CA6: variants seen among roughly 807,000 people sequenced by gnomAD.
CA6 encodes the protein carbonate dehydratase VI.
In CA6, 28 loss-of-function variants were observed where a neutral mutation model predicts 35.9. The ratio of observed to expected loss-of-function variants is 0.78; its 90% CI spans 0.58 to 1.07. The LOEUF (loss-of-function observed/expected upper bound fraction) is 1.07, where lower values mean the gene tolerates loss of function less well. Ranked by LOEUF, CA6 falls within the 50% of genes least tolerant of loss-of-function variation. The pLI is 0.00. For missense variants in CA6, 377 were observed against 382.0 expected, an observed-to-expected ratio of 0.99 and a Z score of 0.11; for synonymous variants, 148 against 152.6, an observed-to-expected ratio of 0.97 and a Z score of 0.22.
chr1:8,965,142 G>T (rs1639937049), intron 5 of CA6, among the ~76,000 whole-genome samples: 1 of 152,132 alleles, frequency 6.6e-6, no homozygotes, highest in Admixed American at 6.6e-5. Context: ...TACTCGGAAG[G>T]CTGAGGCAGG....
chr1:8,948,390 C>T lies in CA6; in HGVS notation c.80-873C>T, dbSNP rs186397643. Reference sequence around the variant, plus strand: ...GTACTCATTCTAGGTTGTCCTGGAACCTGATGCTTCCTTAGTTTCCCTGAA... The same window carrying T: ...GTACTCATTCTAGGTTGTCCTGGAATCTGATGCTTCCTTAGTTTCCCTGAA... On this transcript the variant is annotated intron_variant, in intron 1 of 7. Coordinates refer to ENST00000377443, the MANE Select transcript of CA6 (RefSeq NM_001215.4). 2.7e-4 allele frequency among the ~76,000 whole-genome samples: 41 copies of T among 152,202 alleles called. 1 individual carries two copies. The highest frequency in any genetic ancestry group is 9.4e-4 in the African/African-American group (39 of 41,480).
intron 4 of CA6, among the ~76,000 whole-genome samples, chr1:8,960,789 C>CACATATATATATAT (rs59987426): frequency 7.4e-4 from 86 of 116,972 alleles, no homozygotes; most frequent in Non-Finnish European, 1.3e-3. Flanking sequence ...CACACACACA[C>CACATATATATATAT]ATATATATAA....
chr1:8,956,741 T>G (rs1639693774), intron 2 of CA6, among the ~76,000 whole-genome samples: 1 of 152,228 alleles, frequency 6.6e-6, no homozygotes, highest in African/African-American at 2.4e-5. Context: ...AATTCCAAAC[T>G]TGGCCAGAGA....
At chr1:8,946,951 T>A (rs535516815) in intron 1 of CA6, among the ~76,000 whole-genome samples, 1 of 151,780 alleles carries the variant, frequency 6.6e-6, no homozygotes, top group East Asian at 1.9e-4. Context: ...TTACAGGCAC[T>A]CATCACCATG....
intron 5 of CA6, 54 bp from the exon 6 acceptor site, chr1:8,967,605 C>G: frequency 1.9e-6 from 3 of 1,542,164 alleles, no homozygotes; most frequent in Non-Finnish European, 2.7e-6. Context: ...AGCTGTCCTC[C>G]CGAGGGGCAG....
intron 6 of CA6, 75 bp downstream of exon 6, chr1:8,967,891 A>C: frequency 3.3e-4 from 456 of 1,366,424 alleles, no homozygotes; most frequent in Non-Finnish European, 4.2e-4. Flanking sequence ...CCAGCATCTC[A>C]ACGAACGTCA....
chr1:8,950,945 G>A (rs1435112205), intron 2 of CA6, among the ~76,000 whole-genome samples: 1 of 152,188 alleles, frequency 6.6e-6, no homozygotes, highest in Non-Finnish European at 1.5e-5. Flanking sequence ...GCCTGGTGAG[G>A]TGGTTCATGC....
At position 8,974,770 on chromosome 1, in the gene CA6, C is replaced by T. The variant is rs574282417; in HGVS notation, c.*66C>T. On this transcript the variant is annotated 3_prime_UTR_variant, in exon 8 of 8. Coordinates refer to ENST00000377443, the MANE Select transcript of CA6 (RefSeq NM_001215.4). ...CCTGACCTAGCCAGAAGTGCCTGTC[C>T]GCTGCAGCCGCACCCTACCTTGTCT... The T allele has an allele frequency of 1.9e-4, 163 of 861,082 alleles. No individual in the cohort carries two copies. The African/African-American group carries it at 2.5e-3, about 13-fold the overall frequency. 53.3% of individuals were successfully genotyped at this position (861,082 alleles called of 1,614,324 possible).
At chr1:8,971,863 G>A (rs761096658) in intron 7 of CA6, among the ~76,000 whole-genome samples, 28 of 152,134 alleles carry the variant, frequency 1.8e-4, no homozygotes, top group Non-Finnish European at 3.5e-4. Flanking sequence ...GGCTCACCTC[G>A]TTTCTGTGTT....
chr1:8,959,292 C>A (rs1400950224), intron 4 of CA6, among the ~76,000 whole-genome samples: 1 of 150,620 alleles, frequency 6.6e-6, no homozygotes, highest in Admixed American at 6.6e-5. Context: ...CTCAGTCAGA[C>A]AAAGGCAACA....
chr1:8,961,014 A>G (rs928670681), intron 4 of CA6, among the ~76,000 whole-genome samples: 2 of 152,222 alleles, frequency 1.3e-5, no homozygotes, highest in African/African-American at 4.8e-5. Context: ...TATTATATGT[A>G]GGGGAATGAC....
At chr1:8,958,855 T>G (rs936995026) in intron 3 of CA6, 55 bp from the exon 4 acceptor site, 5 of 954,810 alleles carry the variant, frequency 5.2e-6, no homozygotes, top group Admixed American at 2.0e-5. Context: ...CTGGAAATCT[T>G]AAGCATTTGA....
intron 5 of CA6, among the ~76,000 whole-genome samples, chr1:8,964,828 T>C (rs2124178382): frequency 6.6e-6 from 1 of 152,166 alleles, no homozygotes; most frequent in East Asian, 1.9e-4. Flanking sequence ...CTTCAAAGGG[T>C]GGTCTGGCGC....
At chr1:8,956,383 G>A (rs1639684175) in intron 2 of CA6, among the ~76,000 whole-genome samples, 2 of 151,970 alleles carry the variant, frequency 1.3e-5, no homozygotes, top group Non-Finnish European at 2.9e-5. Context: ...ATTTCAGCTG[G>A]GCGTGGTGGC....
At chr1:8,974,406 A>T in intron 7 of CA6, 1 of 1,542,006 alleles carries the variant, frequency 6.5e-7, no homozygotes, top group Non-Finnish European at 8.7e-7. Flanking sequence ...GCCCACCTCA[A>T]CACGCCACCC....
rs201955918 is a variant in CA6 at position 8,946,044 on chromosome 1, T to TTC, written c.79+80_79+81insCT. 5.1e-3 allele frequency: 3,040 copies of TTC among 593,764 alleles called. 8 individuals are homozygous for TTC. Among genetic ancestry groups the TTC allele is most frequent in the Non-Finnish European group, 6.2e-3 (2,350 of 379,824 alleles). 36.8% of individuals were successfully genotyped at this position (593,764 alleles called of 1,614,324 possible). A position where few individuals can be genotyped will look rare whatever the true frequency, so the allele number is the denominator to read the frequency against. ...GGACAAGTGCCCTTCTTCTTCTTCT[T>TTC]TTTTTTTTTTTTAGACAAAGTCTTG... On this transcript the variant is annotated intron_variant, in intron 1 of 7. Coordinates refer to ENST00000377443, the MANE Select transcript of CA6 (RefSeq NM_001215.4).
intron 5 of CA6, among the ~76,000 whole-genome samples, chr1:8,966,064 G>A (rs968195822): frequency 5.3e-5 from 8 of 152,060 alleles, no homozygotes; most frequent in Non-Finnish European, 1.0e-4. Context: ...TTTCTTTTGG[G>A]TAGATAGGAG....
intron 4 of CA6, among the ~76,000 whole-genome samples, chr1:8,959,603 C>A (rs1438602108): frequency 6.6e-6 from 1 of 151,996 alleles, no homozygotes; most frequent in Non-Finnish European, 1.5e-5. Context: ...CATGAGCCAC[C>A]AGGCCCAGTC....
rs938167383 is a variant in CA6, at chr1:8,949,299, A to G, written c.116A>G (p.Tyr39Cys). The change falls in exon 2 of 8, where the codon TAC becomes TGC. Residue 39 changes from tyrosine (Y) to cysteine (C), a missense_variant. Coordinates refer to ENST00000377443, the MANE Select transcript of CA6 (RefSeq NM_001215.4). ...GACGAAGCGCACTGGCCACAGCACT[A>G]CCCCGCCTGTGGGGGCCAGAGACAG... ...ALDEAHWPQH[Y>C]PACGGQRQSP... is the part of the protein sequence containing the mutation. 1 of 1,612,182 alleles carries G rather than the reference A, an allele frequency of 6.2e-7. No homozygotes were observed. The highest frequency in any genetic ancestry group is 8.5e-7 in the Non-Finnish European group (1 of 1,179,166).
Sources: gnomAD v4.1 joint callset for allele counts (sites outside exome capture counted in the v4.1 genomes callset) on GRCh38, gnomAD v4.1.1 for gene constraint, MANE v1.5 for transcripts, NCBI Gene and HGNC (gene_info 2026-07-23, HGNC 2026-07-21) for gene names.